TMTC1: variants seen among roughly 807,000 people sequenced by gnomAD.
TMTC1 encodes the protein transmembrane O-mannosyltransferase targeting cadherins 1, also known as protein O-mannosyl-transferase TMTC1.
Under a neutral mutation model 104.8 loss-of-function variants are expected in TMTC1, and 73 were observed. The observed-to-expected ratio is 0.70, with a 90% CI of 0.58 to 0.85. The LOEUF is 0.85. TMTC1 is among the 40% of genes least tolerant of loss of function. The pLI, the probability that TMTC1 is intolerant of heterozygous loss-of-function variation, is 0.00. For missense variants in TMTC1, 1,035 were observed against 1,096.1 expected, an observed-to-expected ratio of 0.94 and a Z score of 0.79; for synonymous variants, 434 against 428.7, an observed-to-expected ratio of 1.01 and a Z score of -0.15.
chr12:29,600,009 T>TATATATATATATATATA (rs1555174500), intron 7 of TMTC1, among the ~76,000 whole-genome samples: 7 of 71,754 alleles, frequency 9.8e-5, no homozygotes, highest in African/African-American at 2.7e-4. Context: ...TATATATATA[T>TATATATATATATATATA]TTTTTTTTTT....
Position 29,619,675 on chromosome 12 carries a change from A to G in TMTC1, c.1128+13472T>C, listed in dbSNP as rs368247971. Among the ~76,000 whole-genome samples, 96 of 152,316 alleles carry G rather than the reference A, an allele frequency of 6.3e-4. 3 individuals carry two copies. Among genetic ancestry groups the G allele is most frequent in the African/African-American group, 1.8e-3 (73 of 41,574 alleles). On this transcript the variant is annotated intron_variant, in intron 6 of 17. Coordinates refer to ENST00000539277, the MANE Select transcript of TMTC1 (RefSeq NM_001193451.2). ...TCAAATACCACTAAAGCCATCCATA[A>G]TCTTTCTAAAGTCTGGAGCTTTAGG...
chr12:29,634,194 C>T (rs147273890), intron 5 of TMTC1, among the ~76,000 whole-genome samples: 231 of 152,224 alleles, frequency 1.5e-3, no homozygotes, highest in African/African-American at 5.3e-3. Flanking sequence ...TTACAACATG[C>T]CCCCAACCTC....
intron 11 of TMTC1, among the ~76,000 whole-genome samples, chr12:29,521,566 C>CTTTTTTTTTT (rs3036151): frequency 4.5e-5 from 4 of 89,640 alleles, no homozygotes; most frequent in East Asian, 5.5e-4. Flanking sequence ...TTCTTTCTTT[C>CTTTTTTTTTT]TTTTTTTTTT....
chr12:29,514,581 A>G lies in TMTC1; in HGVS notation c.2331T>C (p.Ala777=). 6.2e-7 allele frequency: 1 copy of G among 1,613,884 alleles called. No homozygotes were observed. Among genetic ancestry groups the G allele is most frequent in the African/African-American group, 1.3e-5 (1 of 75,030 alleles). Residue 777 remains alanine (A), a synonymous_variant, in exon 16 of 18, where the codon GCT becomes GCC. Coordinates refer to ENST00000539277, the MANE Select transcript of TMTC1 (RefSeq NM_001193451.2). ...TTGGGTCCTTTGGTTTCAGCTGGAGAGCCTTGTCTATAGCATCAAGTGCCT... is the reference window on the plus strand; with the variant it reads ...TTGGGTCCTTTGGTTTCAGCTGGAGGGCCTTGTCTATAGCATCAAGTGCCT... ...HDKALDAIDK[A]LQLKPKDPKV...
chr12:29,622,087 G>A (rs1937704442), intron 6 of TMTC1, among the ~76,000 whole-genome samples: 2 of 152,138 alleles, frequency 1.3e-5, no homozygotes, highest in South Asian at 2.1e-4. Context: ...GAGGTGAAGG[G>A]AGGGGAGAGA....
At chr12:29,573,552 G>A (rs1945739806) in intron 8 of TMTC1, among the ~76,000 whole-genome samples, 1 of 152,198 alleles carries the variant, frequency 6.6e-6, no homozygotes, top group Admixed American at 6.5e-5. Context: ...AACAATAGGT[G>A]AGCAGGGTAT....
intron 5 of TMTC1, among the ~76,000 whole-genome samples, chr12:29,740,606 A>G (rs1400627985): frequency 2.6e-5 from 4 of 152,138 alleles, no homozygotes; most frequent in African/African-American, 9.7e-5. Flanking sequence ...AGATATAGAT[A>G]TATAGATACA....
At chr12:29,535,729 G>A (rs1042499798) in intron 11 of TMTC1, 1 of 157,660 alleles carries the variant, frequency 6.3e-6, no homozygotes, top group Non-Finnish European at 1.4e-5. Context: ...CTGAAAAGAA[G>A]GAGGGGATTG....
chr12:29,722,155 G>A (rs1014240064), intron 5 of TMTC1, among the ~76,000 whole-genome samples: 1 of 152,200 alleles, frequency 6.6e-6, no homozygotes, highest in Non-Finnish European at 1.5e-5. Context: ...TGGACCCCTT[G>A]AAAGGGTCTT....
At position 29,506,898 on chromosome 12, in the gene TMTC1, A is replaced by T. The variant is rs1943706712; in HGVS notation, c.2597T>A (p.Leu866Ter). 6.2e-7 allele frequency: 1 copy of T among 1,614,000 alleles called. No homozygotes were observed. Among genetic ancestry groups the T allele is most frequent in the South Asian group, 1.1e-5 (1 of 91,090 alleles). Residue 866 changes from leucine to a stop codon, truncating the protein, a stop_gained, in exon 18 of 18, where the codon TTG becomes TAG. Coordinates refer to ENST00000539277, the MANE Select transcript of TMTC1 (RefSeq NM_001193451.2). LOFTEE classifies it high-confidence loss of function. Reference protein sequence around the residue: ...SKLLKENLAKLDRLEKRLQEV... With the variant: ...SKLLKENLAK ...TTGTAATCGTTTTTCTAGGCGATCC[A>T]ATTTGGCAAGATTTTCCTTCAGCAG...
intron 6 of TMTC1, among the ~76,000 whole-genome samples, chr12:29,617,066 G>C (rs143964912): frequency 1.4e-4 from 22 of 152,008 alleles, no homozygotes; most frequent in Admixed American, 1.4e-3. Context: ...CAAATGCACT[G>C]TCCTATACCT....
chr12:29,546,797 G>A (rs772863819), intron 10 of TMTC1, among the ~76,000 whole-genome samples: 3 of 152,180 alleles, frequency 2.0e-5, no homozygotes, highest in East Asian at 1.9e-4. Context: ...CAGGAGGATC[G>A]CTTCAGCCCA....
At chr12:29,732,185 T>A (rs1349104938) in intron 5 of TMTC1, among the ~76,000 whole-genome samples, 1 of 152,184 alleles carries the variant, frequency 6.6e-6, no homozygotes, top group Non-Finnish European at 1.5e-5. Flanking sequence ...AAAGCAATAC[T>A]AAATTCACTG....
chr12:29,543,583 T>A (rs1944861396), intron 10 of TMTC1, among the ~76,000 whole-genome samples: 1 of 152,188 alleles, frequency 6.6e-6, no homozygotes, highest in Non-Finnish European at 1.5e-5. Flanking sequence ...GTTGTTGGAT[T>A]CAAAATTGAT....
intron 8 of TMTC1, among the ~76,000 whole-genome samples, chr12:29,582,848 G>C (rs926010266): frequency 1.3e-5 from 2 of 152,228 alleles, no homozygotes; most frequent in Non-Finnish European, 2.9e-5. Context: ...TTGGGTGTCA[G>C]GTGTGGCAGT....
intron 11 of TMTC1, chr12:29,534,167 T>C (rs564839144): frequency 1.3e-5 from 2 of 152,344 alleles, no homozygotes; most frequent in African/African-American, 4.8e-5. Flanking sequence ...AATGTTAAGC[T>C]AGGTGGGTTT....
In TMTC1 at chr12:29,667,720, T is replaced by C. The variant is rs567034879; in HGVS notation, c.939-34384A>G. The stretch of plus-strand genomic sequence containing the variant: ...TTTATTCCCTCTATGATTAATTTAG[T>C]TGGAGGCCCTAGTTTTTTATTCCTT... On this transcript the variant is annotated intron_variant, in intron 5 of 17. Coordinates refer to ENST00000539277, the MANE Select transcript of TMTC1 (RefSeq NM_001193451.2). Among the ~76,000 whole-genome samples the C allele has an allele frequency of 2.6e-5, 4 of 152,326 alleles. No homozygotes were observed. In the East Asian group the frequency reaches 7.7e-4, roughly 29 times the overall value.
At chr12:29,770,237 T>C (rs1046566688) in intron 1 of TMTC1, among the ~76,000 whole-genome samples, 1 of 152,206 alleles carries the variant, frequency 6.6e-6, no homozygotes, top group Non-Finnish European at 1.5e-5. Context: ...ATTACTATGT[T>C]ACCTATACTC....
At chr12:29,612,687 T>C (rs939895822) in intron 6 of TMTC1, among the ~76,000 whole-genome samples, 1 of 152,168 alleles carries the variant, frequency 6.6e-6, no homozygotes. Flanking sequence ...AGTGCTGGGA[T>C]TACAGGCATG....
Sources: allele counts gnomAD v4.1 joint callset (sites outside exome capture counted in the v4.1 genomes callset), GRCh38; gene constraint gnomAD v4.1.1; transcripts MANE v1.5; gene names NCBI Gene and HGNC (gene_info 2026-07-23, HGNC 2026-07-21).